The following MAPRE2 variants were observed in gnomAD, a reference collection of about 807,000 sequenced individuals.
MAPRE2 encodes microtubule-associated protein RP/EB family member 2.
MAPRE2 carries 13 observed loss-of-function variants against 43.2 expected under a neutral mutation model. The observed-to-expected ratio is 0.30, with a 90% CI of 0.20 to 0.48. The LOEUF (loss-of-function observed/expected upper bound fraction) is 0.48, where lower values mean the gene tolerates loss of function less well. Ranked by LOEUF, MAPRE2 falls within the 20% of genes least tolerant of loss-of-function variation. MAPRE2 has a pLI of 0.99. For missense variants in MAPRE2, 161 were observed against 400.2 expected, an observed-to-expected ratio of 0.40 and a Z score of 5.10; for synonymous variants, 135 against 148.8, an observed-to-expected ratio of 0.91 and a Z score of 0.68.
chr18:35,049,968 TTTTGCTCTTCCAA>T (rs1905853298), intron 1 of MAPRE2, among the ~76,000 whole-genome samples: 1 of 152,206 alleles, frequency 6.6e-6, no homozygotes, highest in South Asian at 2.1e-4. Flanking sequence ...TATTTATCTG[TTTTGCTCTTCCAA>T]TTTTTATATT....
chr18:35,086,697 G>A (rs1907898165), intron 2 of MAPRE2, among the ~76,000 whole-genome samples: 1 of 151,346 alleles, frequency 6.6e-6, no homozygotes, highest in African/African-American at 2.4e-5. Flanking sequence ...AAAAAAAATT[G>A]AAGTTCAGAT....
At chr18:35,065,445 A>C (rs1158725844) in intron 1 of MAPRE2, among the ~76,000 whole-genome samples, 1 of 152,222 alleles carries the variant, frequency 6.6e-6, no homozygotes, top group Non-Finnish European at 1.5e-5. Flanking sequence ...AAATTTAAAT[A>C]CAATATTAAA....
chr18:35,050,894 C>T (rs1905904308), intron 1 of MAPRE2, among the ~76,000 whole-genome samples: 1 of 152,098 alleles, frequency 6.6e-6, no homozygotes, highest in Admixed American at 6.5e-5. Flanking sequence ...ACTGAGAGAA[C>T]CCCCAGGGAG....
chr18:34,985,077 A>G (rs1317685356), intron 1 of MAPRE2, among the ~76,000 whole-genome samples: 1 of 88,546 alleles, frequency 1.1e-5, no homozygotes, highest in African/African-American at 4.9e-5. Flanking sequence ...AATAAAATAT[A>G]TTATAAAAAT....
At chr18:35,018,483 A>G (rs1159973114) in intron 2 of MAPRE2, among the ~76,000 whole-genome samples, 1 of 149,550 alleles carries the variant, frequency 6.7e-6, no homozygotes, top group Non-Finnish European at 1.5e-5. Flanking sequence ...TTTTTTTTTA[A>G]TTACTGATTC....
rs192206651 is a variant in MAPRE2, at chr18:35,007,998, G to T, written c.-8+2445G>T. Among the ~76,000 whole-genome samples the T allele has an allele frequency of 2.2e-4, 33 of 152,242 alleles. No homozygotes were observed. In the East Asian group the frequency reaches 2.5e-3, roughly 12 times the overall value. ...GACTTGAGCATGAATGGATTCTTGTGGGGGAAGGAAGGTTCTGAAACCAAT... is the reference window on the plus strand; with the variant it reads ...GACTTGAGCATGAATGGATTCTTGTTGGGGAAGGAAGGTTCTGAAACCAAT... On this transcript the variant is annotated intron_variant, in intron 2 of 7. Transcript: ENST00000413393.
chr18:34,996,764 G>A (rs978172224), intron 1 of MAPRE2, among the ~76,000 whole-genome samples: 3 of 152,186 alleles, frequency 2.0e-5, no homozygotes, highest in Non-Finnish European at 4.4e-5. Context: ...CCTTGTATAC[G>A]AAGTCTTCAG....
At chr18:35,121,336 G>C (rs1340205423) in intron 4 of MAPRE2, among the ~76,000 whole-genome samples, 2 of 152,156 alleles carry the variant, frequency 1.3e-5, no homozygotes, top group South Asian at 2.1e-4. Context: ...TAAAATGTCA[G>C]AATCATATTT....
intron 2 of MAPRE2, among the ~76,000 whole-genome samples, chr18:35,029,305 G>A (rs1047665221): frequency 3.3e-5 from 5 of 152,030 alleles, no homozygotes; most frequent in Non-Finnish European, 7.4e-5. Flanking sequence ...TCCAGCTGCC[G>A]GCCTCATGTT....
At chr18:35,128,762 A>G (rs1030653759) in intron 5 of MAPRE2, among the ~76,000 whole-genome samples, 8 of 152,098 alleles carry the variant, frequency 5.3e-5, no homozygotes, top group Non-Finnish European at 8.8e-5. Flanking sequence ...TATCTTTCTT[A>G]TCTTGTGTTT....
chr18:35,126,722 A>G (rs1909919293), intron 4 of MAPRE2, among the ~76,000 whole-genome samples: 1 of 149,332 alleles, frequency 6.7e-6, no homozygotes, highest in Non-Finnish European at 1.5e-5. Context: ...TTACTTGAGG[A>G]AAAAAAAAAC....
At chr18:35,041,984 C>T (rs1258609693) in intron 1 of MAPRE2, among the ~76,000 whole-genome samples, 3 of 152,194 alleles carry the variant, frequency 2.0e-5, no homozygotes, top group Non-Finnish European at 4.4e-5. Flanking sequence ...CACTTCCTTT[C>T]CTCCTTCCCT....
intron 4 of MAPRE2, among the ~76,000 whole-genome samples, chr18:35,107,079 T>G (rs1244348258): frequency 6.6e-6 from 1 of 152,214 alleles, no homozygotes; most frequent in African/African-American, 2.4e-5. Context: ...ATTCATGTAT[T>G]TAAATCAAAC....
chr18:34,987,448 G>A (rs2097021612), intron 1 of MAPRE2, among the ~76,000 whole-genome samples: 1 of 152,124 alleles, frequency 6.6e-6, no homozygotes, highest in Non-Finnish European at 1.5e-5. Flanking sequence ...GAGAAGCCCT[G>A]AACTAGAGGA....
chr18:34,988,907 T>C, intron 1 of MAPRE2: 1 of 152,142 alleles, frequency 6.6e-6, no homozygotes, highest in Non-Finnish European at 1.5e-5. Flanking sequence ...TTGCCTGCAC[T>C]CTCTCTCAGG....
chr18:35,021,345 G>A (rs1203042932), intron 2 of MAPRE2, among the ~76,000 whole-genome samples: 2 of 152,046 alleles, frequency 1.3e-5, no homozygotes, highest in African/African-American at 4.8e-5. Flanking sequence ...AATTTAAAAA[G>A]GAGAGCAAAT....
upstream of MAPRE2, among the ~76,000 whole-genome samples, chr18:35,039,497 G>A (rs1443919735): frequency 6.6e-6 from 1 of 152,206 alleles, no homozygotes; most frequent in Non-Finnish European, 1.5e-5. Context: ...AGATGTGGAC[G>A]AAGGAATCAA....
intron 4 of MAPRE2, among the ~76,000 whole-genome samples, chr18:35,120,747 A>T (rs535271765): frequency 6.6e-6 from 1 of 152,082 alleles, no homozygotes; most frequent in African/African-American, 2.4e-5. Flanking sequence ...AACCAAGCTC[A>T]TCATCTGTTA....
intron 2 of MAPRE2, among the ~76,000 whole-genome samples, chr18:35,034,716 C>T (rs1345339687): frequency 2.0e-5 from 3 of 152,198 alleles, no homozygotes; most frequent in Non-Finnish European, 2.9e-5. Flanking sequence ...TGAACAGACA[C>T]TTCTCAAAAG....
Sources: gnomAD v4.1 joint callset for allele counts (sites outside exome capture counted in the v4.1 genomes callset) on GRCh38, gnomAD v4.1.1 for gene constraint, MANE v1.5 for transcripts, NCBI Gene and HGNC (gene_info 2026-07-23, HGNC 2026-07-21) for gene names.